Variants in E4F1 observed in about 807,000 individuals in gnomAD.
The protein encoded by E4F1 is E4F transcription factor 1.
E4F1 carries 30 observed loss-of-function variants against 72.9 expected under a neutral mutation model. That is an observed-to-expected ratio of 0.41 (90% CI 0.31 to 0.56). The LOEUF is 0.56. Among genes scored for constraint, E4F1 ranks in the 20% least tolerant of loss-of-function variants. The probability of loss-of-function intolerance (pLI) is 0.25; values close to 1 mark genes in which losing one functional copy is unlikely to be tolerated. For missense variants in E4F1, 1,091 were observed against 1,117.5 expected, an observed-to-expected ratio of 0.98 and a Z score of 0.34; for synonymous variants, 542 against 478.2, an observed-to-expected ratio of 1.13 and a Z score of -1.74.
rs1177499496 is a variant in E4F1 at position 2,228,487 on chromosome 16, T to A, written c.273T>A (p.Pro91=). The A allele has an allele frequency of 1.2e-6, 2 of 1,612,580 alleles. No individual in the cohort carries two copies. Among genetic ancestry groups the A allele is most frequent in the South Asian group, 1.1e-5 (1 of 91,082 alleles). Residue 91 remains proline, a synonymous_variant, in exon 2 of 14, where the codon CCT becomes CCA. Transcript: ENST00000301727. ...ACQRAPPEAL[P]ATPATTALLG... ...AGCGGGCCCCTCCGGAGGCCCTGCC[T>A]GCCACCCCTGCCACCACAGCGTTGC...
chr16:2,226,654 G>T (rs1283793635), intron 1 of E4F1, among the ~76,000 whole-genome samples: 1 of 152,242 alleles, frequency 6.6e-6, no homozygotes, highest in Non-Finnish European at 1.5e-5. Flanking sequence ...ATCCCTTTGT[G>T]TAAACAGGTA....
intron 3 of E4F1, chr16:2,229,906 A>T: frequency 1.9e-6 from 1 of 525,768 alleles, no homozygotes; most frequent in Non-Finnish European, 3.5e-6. Flanking sequence ...GGCACCAGGG[A>T]GTCATTGGGC....
Position 2,234,349 on chromosome 16 carries a change from C to T in E4F1, c.1554C>T (p.Pro518=), listed in dbSNP as rs2093489158. Residue 518 remains proline, a synonymous_variant, in exon 10 of 14, where the codon CCC becomes CCT. Coordinates refer to ENST00000301727, the MANE Select transcript of E4F1 (RefSeq NM_004424.5). ...GHRRVHSDER[P]YPCPKCGKRY... ...GGCGCGTCCACTCAGACGAGCGGCC[C>T]TACCCTTGTCCCAAGTGTGGCAAGC... 6 of 1,613,000 alleles carry T rather than the reference C, an allele frequency of 3.7e-6. No homozygotes were observed. Among genetic ancestry groups the T allele is most frequent in the Non-Finnish European group, 5.1e-6 (6 of 1,179,996 alleles).
chr16:2,232,332 G>A lies in E4F1; in HGVS notation c.577G>A (p.Val193Met). The A allele has an allele frequency of 6.2e-7, 1 of 1,607,246 alleles. No individual in the cohort carries two copies. The highest frequency in any genetic ancestry group is 1.1e-5 in the South Asian group (1 of 90,372). ...ACTGGTGAACAAGGATGGCCGCTAT[G>A]TGTGTGCGCTGTGCCACAAGACCTT... ...KLLVNKDGRY[V>M]CALCHKTFKT... Residue 193 changes from valine (V) to methionine (M), a missense_variant, in exon 4 of 14, where the codon GTG (valine) becomes ATG (methionine). Coordinates refer to ENST00000301727, the MANE Select transcript of E4F1 (RefSeq NM_004424.5).
intron 3 of E4F1, chr16:2,230,898 C>T (rs959887700): frequency 1.3e-5 from 2 of 152,254 alleles, no homozygotes; most frequent in African/African-American, 2.4e-5. Context: ...CTGGCGGGGT[C>T]TCTGGGCTGG....
rs140184126 is a variant in E4F1, at chr16:2,234,312, T to C, written c.1517T>C (p.Val506Ala). The change falls in exon 10 of 14, where the codon GTG becomes GCG. Residue 506 changes from valine (V) to alanine (A), a missense_variant. Transcript: ENST00000301727. ...AAGCTCTACAAGACCATTGCCCATG[T>C]GCGTGGCCACCGGCGCGTCCACTCA... ...CGKLYKTIAH[V>A]RGHRRVHSDE... The C allele has an allele frequency of 3.1e-6, 5 of 1,612,872 alleles. No individual in the cohort carries two copies. Among genetic ancestry groups the C allele is most frequent in the Non-Finnish European group, 4.2e-6 (5 of 1,180,004 alleles).
Position 2,228,365 on chromosome 16 carries a change from G to A in E4F1, c.158-7G>A, listed in dbSNP as rs375407226. On this transcript the variant is annotated splice_polypyrimidine_tract_variant and splice_region_variant and intron_variant, in intron 1 of 13. Transcript: ENST00000301727. ...CCCAGGCCCTGCTGACAGCAGGCTC[G>A]TTGCAGATGAGGACGATGTGCACAG... 1.5e-5 allele frequency: 25 copies of A among 1,613,556 alleles called. No homozygotes were observed. Among genetic ancestry groups the A allele is most frequent in the Admixed American group, 6.7e-5 (4 of 60,000 alleles).
chr16:2,226,486 G>C (rs1344057595), intron 1 of E4F1, among the ~76,000 whole-genome samples: 2 of 152,238 alleles, frequency 1.3e-5, no homozygotes, highest in African/African-American at 4.8e-5. Flanking sequence ...CTGCAGGCGA[G>C]TCATAGCTGT....
intron 7 of E4F1, 86 bp from the exon 8 acceptor site, chr16:2,233,351 CA>C: frequency 1.4e-6 from 2 of 1,431,480 alleles, no homozygotes; most frequent in Non-Finnish European, 1.8e-6. Flanking sequence ...AGGGTTTGCA[CA>C]AGGCTCCTGG....
In E4F1 at chr16:2,223,637, G is replaced by A; in HGVS notation, c.24G>A (p.Arg8=). The change falls in exon 1 of 14, where the codon CGG becomes CGA. Residue 8 remains arginine (R), a synonymous_variant. Transcript: ENST00000301727. The part of the protein sequence containing the change: MEGAMAV[R]VTAAHTAEAQ... ...ACATGGAGGGCGCGATGGCAGTGCG[G>A]GTGACGGCCGCTCATACGGCAGAAG... is the stretch of plus-strand genomic sequence containing the variant. The A allele has an allele frequency of 6.3e-7, 1 of 1,590,606 alleles. No individual in the cohort carries two copies. Among genetic ancestry groups the A allele is most frequent in the Non-Finnish European group, 8.5e-7 (1 of 1,174,116 alleles).
intron 2 of E4F1, among the ~76,000 whole-genome samples, chr16:2,228,755 C>G (rs371289726): frequency 6.6e-6 from 1 of 152,214 alleles, no homozygotes; most frequent in South Asian, 2.1e-4. Flanking sequence ...GGTCGAAGCC[C>G]GTGCTGTTGG....
At chr16:2,234,069 G>T (rs1168281254) in intron 9 of E4F1, 79 bp downstream of exon 9, 6 of 1,539,022 alleles carry the variant, frequency 3.9e-6, no homozygotes, top group Admixed American at 1.9e-5. Context: ...GTCCAGGGTG[G>T]GTCCATAGAC....
In E4F1 at chr16:2,232,526, C is replaced by T; in HGVS notation, c.680C>T (p.Ala227Val). The T allele has an allele frequency of 6.2e-7, 1 of 1,612,032 alleles. No individual in the cohort carries two copies. The highest frequency in any genetic ancestry group is 8.5e-7 in the Non-Finnish European group (1 of 1,179,590). Reference protein sequence around the residue: ...RKDHECKLCGASFRTKGSLIR... With the variant: ...RKDHECKLCGVSFRTKGSLIR... ...GACCACGAGTGCAAGCTCTGTGGGG[C>T]CTCCTTCCGCACCAAGGGCTCACTC... Residue 227 changes from alanine to valine, a missense_variant, in exon 5 of 14, where the codon GCC (alanine) becomes GTC (valine). By Grantham distance (64) the Ala-to-Val change is moderately conservative. Coordinates refer to ENST00000301727, the MANE Select transcript of E4F1 (RefSeq NM_004424.5).
chr16:2,229,208 C>A (rs535438537), intron 2 of E4F1, among the ~76,000 whole-genome samples: 1 of 152,220 alleles, frequency 6.6e-6, no homozygotes, highest in African/African-American at 2.4e-5. Flanking sequence ...CTCCTCACAC[C>A]GCTCTGCCGG....
At chr16:2,225,430 T>C (rs2093425196) in intron 1 of E4F1, among the ~76,000 whole-genome samples, 1 of 150,268 alleles carries the variant, frequency 6.7e-6, no homozygotes, top group Non-Finnish European at 1.5e-5. Context: ...GCCCAAGGAG[T>C]TCCAGACCAG....
At position 2,229,902 on chromosome 16, in the gene E4F1, A is replaced by G. The variant is rs1298629942; in HGVS notation, c.415+227A>G. On this transcript the variant is annotated intron_variant, in intron 3 of 13. Transcript: ENST00000301727. ...GTGGCCGGGGGCACACCCAGGCACC[A>G]GGGAGTCATTGGGCTGTGCTCTCTC... The G allele has an allele frequency of 4.0e-5, 21 of 531,474 alleles. No individual in the cohort carries two copies. The East Asian group carries it at 6.7e-4, about 17-fold the overall frequency. The allele number at this position is 531,474 out of a possible 1,614,324, so 32.9% of individuals were successfully genotyped here.
chr16:2,225,855 G>C (rs2093429122), intron 1 of E4F1, among the ~76,000 whole-genome samples: 2 of 151,768 alleles, frequency 1.3e-5, no homozygotes, highest in African/African-American at 4.8e-5. Context: ...CAGCACTTTG[G>C]GAGGCTGAGA....
In E4F1 at chr16:2,232,010, T is replaced by C. The variant is rs532583403; in HGVS notation, c.416-161T>C. On this transcript the variant is annotated intron_variant, in intron 3 of 13. Coordinates refer to ENST00000301727, the MANE Select transcript of E4F1 (RefSeq NM_004424.5). ...TCTCACTCTGACCTGGAGAGGTGAA[T>C]GGGACCTTGGCTGTTGCTCGGACCT... 7.2e-6 allele frequency: 6 copies of C among 832,502 alleles called. No homozygotes were observed. In the East Asian group the frequency reaches 1.0e-4, roughly 14 times the overall value. The allele number at this position is 832,502 out of a possible 1,614,324, so 51.6% of individuals were successfully genotyped here. A position where few individuals can be genotyped will look rare whatever the true frequency, so the allele number is the denominator to read the frequency against.
chr16:2,225,791 G>GAAAAA (rs766755916), intron 1 of E4F1, among the ~76,000 whole-genome samples: 6 of 64,956 alleles, frequency 9.2e-5, no homozygotes, highest in Non-Finnish European at 1.6e-4. Flanking sequence ...CTCTGTTTAG[G>GAAAAA]AAAAAAAAAA....
Sources: gnomAD v4.1 joint callset for allele counts (sites outside exome capture counted in the v4.1 genomes callset) on GRCh38, gnomAD v4.1.1 for gene constraint, MANE v1.5 for transcripts, NCBI Gene and HGNC (gene_info 2026-07-23, HGNC 2026-07-21) for gene names.